RFX3: variants seen among roughly 807,000 people sequenced by gnomAD.
RFX3 encodes the protein regulatory factor X3.
In RFX3, 14 loss-of-function variants were observed where a neutral mutation model predicts 98.6. The ratio of observed to expected loss-of-function variants is 0.14; its 90% CI spans 0.09 to 0.22. The LOEUF is 0.22. Ranked by LOEUF, RFX3 falls within the 10% of genes least tolerant of loss-of-function variation. The pLI, the probability that RFX3 is intolerant of heterozygous loss-of-function variation, is 1.00. For synonymous variants in RFX3, 383 were observed against 328.4 expected, an observed-to-expected ratio of 1.17 and a Z score of -1.80; for missense variants, 639 against 926.9, an observed-to-expected ratio of 0.69 and a Z score of 4.03.
At position 3,243,171 on chromosome 9, in the gene RFX3, T is replaced by A. The variant is rs373147776; in HGVS notation, c.1968+4861A>T. Among the ~76,000 whole-genome samples, 107 of 152,084 alleles carry A rather than the reference T, an allele frequency of 7.0e-4. No homozygotes were observed. The South Asian group carries it at 0.022, about 31-fold the overall frequency. ...TTTTTAAAATTGTTTATTTAACAGG[T>A]ATGTAAACAGATGCAACTCATTTAT... On this transcript the variant is annotated intron_variant, in intron 15 of 16. Coordinates refer to ENST00000617270, the MANE Select transcript of RFX3 (RefSeq NM_001282116.2).
intron 1 of RFX3, among the ~76,000 whole-genome samples, chr9:3,400,664 T>C (rs1841388627): frequency 2.0e-5 from 3 of 152,220 alleles, no homozygotes; most frequent in Admixed American, 1.3e-4. Flanking sequence ...CCAAGCTTTA[T>C]GACATTAGAG....
chr9:3,234,295 G>T (rs1201469264), intron 15 of RFX3, among the ~76,000 whole-genome samples: 2 of 152,130 alleles, frequency 1.3e-5, no homozygotes, highest in African/African-American at 4.8e-5. Context: ...TGCAAAAATA[G>T]CCATAGATAA....
intron 2 of RFX3, among the ~76,000 whole-genome samples, chr9:3,349,523 A>G (rs1834837040): frequency 1.3e-5 from 2 of 152,096 alleles, no homozygotes; most frequent in Non-Finnish European, 2.9e-5. Flanking sequence ...TAAAACAGGC[A>G]ATATATTTGG....
chr9:3,499,570 A>G (rs952144355), intron 1 of RFX3, among the ~76,000 whole-genome samples: 8 of 152,120 alleles, frequency 5.3e-5, no homozygotes, highest in Non-Finnish European at 7.4e-5. Context: ...AGCACAGCAG[A>G]GTTTATAAAT....
At chr9:3,310,914 T>C (rs1468370925) in intron 4 of RFX3, among the ~76,000 whole-genome samples, 2 of 152,208 alleles carry the variant, frequency 1.3e-5, no homozygotes, top group East Asian at 1.9e-4. Flanking sequence ...AATGATTTAC[T>C]GTTAACAATT....
chr9:3,469,329 T>A (rs1848577659), intron 1 of RFX3: 1 of 260,046 alleles, frequency 3.8e-6, no homozygotes, highest in Non-Finnish European at 7.8e-6. Context: ...TCTAGTCTAG[T>A]ACCATTAGAA....
At chr9:3,483,463 G>A (rs188532872) in intron 1 of RFX3, among the ~76,000 whole-genome samples, 1 of 152,156 alleles carries the variant, frequency 6.6e-6, no homozygotes, top group Non-Finnish European at 1.5e-5. Flanking sequence ...TGCAATTTAT[G>A]GCACTGAATG....
intron 4 of RFX3, among the ~76,000 whole-genome samples, chr9:3,312,724 G>A (rs983900589): frequency 6.6e-5 from 10 of 152,314 alleles, no homozygotes; most frequent in Admixed American, 1.3e-4. Context: ...TATATCTCAT[G>A]CCTGGCTCAG....
intron 14 of RFX3, among the ~76,000 whole-genome samples, chr9:3,249,816 G>A (rs539966): frequency 0.98 from 149,374 of 152,146 alleles, 73,380 homozygotes; most frequent in Middle Eastern, 1. Context: ...TAAGAAAACT[G>A]CCAATGTAAC....
intron 1 of RFX3, among the ~76,000 whole-genome samples, chr9:3,435,120 C>T (rs181842575): frequency 8.6e-5 from 13 of 151,792 alleles, no homozygotes; most frequent in Admixed American, 4.6e-4. Flanking sequence ...GGTGAGTCAA[C>T]GAGTGAGTGA....
intron 15 of RFX3, among the ~76,000 whole-genome samples, chr9:3,241,415 G>C (rs1356739566): frequency 1.3e-5 from 2 of 152,086 alleles, no homozygotes; most frequent in Non-Finnish European, 2.9e-5. Context: ...GATGAGAGGA[G>C]AGGTTATAGC....
At chr9:3,345,148 GAGA>G (rs930311047) in intron 3 of RFX3, among the ~76,000 whole-genome samples, 2 of 152,174 alleles carry the variant, frequency 1.3e-5, no homozygotes, top group East Asian at 1.9e-4. Flanking sequence ...GCTAACTGCA[GAGA>G]AGGAGAGTCA....
chr9:3,507,783 CTTTT>C (rs1267104893), intron 1 of RFX3, among the ~76,000 whole-genome samples: 3 of 151,858 alleles, frequency 2.0e-5, no homozygotes, highest in African/African-American at 7.2e-5. Flanking sequence ...ACTGTATTTA[CTTTT>C]TTTATTGTTG....
rs183674802 is a variant in RFX3, at chr9:3,517,882, C to T, written c.-9+7865G>A. Reference sequence around the variant, plus strand: ...AATGGTAAGAATAACCATACAGTCACGCACCACATAACATTTCTGTCAACA... The same window carrying T: ...AATGGTAAGAATAACCATACAGTCATGCACCACATAACATTTCTGTCAACA... On this transcript the variant is annotated intron_variant, in intron 1 of 16. Coordinates refer to ENST00000617270, the MANE Select transcript of RFX3 (RefSeq NM_001282116.2). 3.9e-5 allele frequency among the ~76,000 whole-genome samples: 6 copies of T among 152,280 alleles called. No homozygotes were observed. The East Asian group carries it at 7.7e-4, about 20-fold the overall frequency.
At chr9:3,422,372 G>A (rs1306844877) in intron 1 of RFX3, among the ~76,000 whole-genome samples, 1 of 152,188 alleles carries the variant, frequency 6.6e-6, no homozygotes, top group Non-Finnish European at 1.5e-5. Flanking sequence ...GTTCACATGT[G>A]TGTGTATTTT....
intron 15 of RFX3, among the ~76,000 whole-genome samples, chr9:3,234,231 A>G (rs1193013762): frequency 6.6e-6 from 1 of 152,226 alleles, no homozygotes; most frequent in Non-Finnish European, 1.5e-5. Context: ...TAAATATTTT[A>G]CGCTTTATAG....
In RFX3 at chr9:3,270,354, G is replaced by A. The variant is rs373300560; in HGVS notation, c.1357+17C>T. 1.9e-5 allele frequency: 31 copies of A among 1,606,354 alleles called. No individual in the cohort carries two copies. Among genetic ancestry groups the A allele is most frequent in the Non-Finnish European group, 2.4e-5 (28 of 1,176,996 alleles). On this transcript the variant is annotated intron_variant, in intron 11 of 16. Transcript: ENST00000617270. ...TATGAGAACAAAAGCATCCGTACTC[G>A]TCTGCATTTAACTTACTAGGAATAG...
intron 1 of RFX3, among the ~76,000 whole-genome samples, chr9:3,443,772 A>C (rs909623339): frequency 1.3e-5 from 2 of 152,182 alleles, no homozygotes; most frequent in Non-Finnish European, 2.9e-5. Context: ...GTCTTTGAGG[A>C]ATTGCCACAT....
chr9:3,350,554 T>C (rs191994971), intron 2 of RFX3, among the ~76,000 whole-genome samples: 3 of 152,148 alleles, frequency 2.0e-5, no homozygotes, highest in African/African-American at 4.8e-5. Flanking sequence ...CCAGTAATCA[T>C]GTTCCCTGGT....
Sources: gnomAD v4.1 joint callset for allele counts (sites outside exome capture counted in the v4.1 genomes callset) on GRCh38, gnomAD v4.1.1 for gene constraint, MANE v1.5 for transcripts, NCBI Gene and HGNC (gene_info 2026-07-23, HGNC 2026-07-21) for gene names.